The following MIIP variants were observed in gnomAD, a reference collection of about 807,000 sequenced individuals.
The protein encoded by MIIP is migration and invasion-inhibitory protein.
Under a neutral mutation model 44.8 loss-of-function variants are expected in MIIP, and 44 were observed. The observed-to-expected ratio is 0.98, with a 90% CI of 0.77 to 1.26. The LOEUF (loss-of-function observed/expected upper bound fraction) is 1.26, where lower values mean the gene tolerates loss of function less well. Ranked by LOEUF, MIIP falls within the 50% of genes most tolerant of loss-of-function variation. The probability of loss-of-function intolerance (pLI) is 0.00; values close to 1 mark genes in which losing one functional copy is unlikely to be tolerated. For missense variants in MIIP, 496 were observed against 511.7 expected (o/e 0.97, Z 0.30); for synonymous variants, 225 against 218.3 (o/e 1.03, Z -0.27).
At chr1:12,025,717 T>C (rs1185914804) in intron 4 of MIIP, among the ~76,000 whole-genome samples, 3 of 152,162 alleles carry the variant, frequency 2.0e-5, no homozygotes, top group Non-Finnish European at 4.4e-5. Flanking sequence ...CCTCCTTTTT[T>C]ATTTTTATTT....
At position 12,030,020 on chromosome 1, in the gene MIIP, C is replaced by A. The variant is rs1640199793; in HGVS notation, c.846-8C>A. 6.2e-7 allele frequency: 1 copy of A among 1,613,108 alleles called. No homozygotes were observed. The highest frequency in any genetic ancestry group is 1.3e-5 in the African/African-American group (1 of 74,922). On this transcript the variant is annotated splice_region_variant and splice_polypyrimidine_tract_variant and intron_variant, in intron 7 of 9. Transcript: ENST00000235332. ...TCCTCAGGGGTCCCCCACTGCCCCC[C>A]TGCGCAGGGTGAGCATCCCGCTGTC...
Position 12,021,723 on chromosome 1 carries a change from C to G in MIIP, c.-4C>G. 6.2e-7 allele frequency: 1 copy of G among 1,612,284 alleles called. No homozygotes were observed. Among genetic ancestry groups the G allele is most frequent in the Non-Finnish European group, 8.5e-7 (1 of 1,179,762 alleles). ...CAAGTGACACCTGCTGAGAGAGGCC[C>G]AGGATGGTGGAGGCTGAGGAACTGG... On this transcript the variant is annotated 5_prime_UTR_variant, in exon 2 of 10. Coordinates refer to ENST00000235332, the MANE Select transcript of MIIP (RefSeq NM_021933.4).
chr1:12,029,689 C>T (rs1294823786), intron 6 of MIIP, 76 bp from the exon 7 acceptor site: 82 of 1,548,638 alleles, frequency 5.3e-5, no homozygotes, highest in Admixed American at 1.5e-4. Context: ...GGTTGGGGGC[C>T]GCTGAGGGCA....
intron 8 of MIIP, 108 bp from the exon 9 acceptor site, chr1:12,031,158 G>C (rs1640231905): frequency 3.0e-6 from 4 of 1,354,652 alleles, no homozygotes; most frequent in East Asian, 2.5e-5. Context: ...CTGCCTTGGT[G>C]GGGGCCTCCT....
At chr1:12,029,342 C>A in intron 6 of MIIP, 61 bp downstream of exon 6, 1 of 1,531,306 alleles carries the variant, frequency 6.5e-7, no homozygotes, top group South Asian at 1.2e-5. Flanking sequence ...CCTGGCCTCC[C>A]CTGCCCCAGA....
intron 6 of MIIP, 144 bp from the exon 7 acceptor site, chr1:12,029,621 G>GA: frequency 8.3e-7 from 1 of 1,201,626 alleles, no homozygotes; most frequent in Non-Finnish European, 1.2e-6. Context: ...GTTCTGGGAG[G>GA]AAAGGGGTTA....
At chr1:12,021,554 C>G (rs1639975879) in intron 1 of MIIP, 91 bp from the exon 2 acceptor site, 1 of 603,016 alleles carries the variant, frequency 1.7e-6, no homozygotes, top group South Asian at 2.0e-5. Context: ...AATAACTTGC[C>G]TGAGGCAGTA....
Position 12,029,086 on chromosome 1 carries a change from A to G in MIIP, c.601A>G (p.Lys201Glu). Residue 201 changes from lysine (K) to glutamate (E), a missense_variant, in exon 5 of 10, where the codon AAG becomes GAG. Transcript: ENST00000235332. ...CAGCCAGCCTGAGGCCTTCTTCTCC[A>G]AGCTGCAGGAGTTTCGGGAAACCAA... ...ITSQPEAFFSKLQEFRETNKE... is the reference protein window; with the variant it reads ...ITSQPEAFFSELQEFRETNKE... The G allele has an allele frequency of 6.2e-7, 1 of 1,614,170 alleles. No homozygotes were observed. Among genetic ancestry groups the G allele is most frequent in the Non-Finnish European group, 8.5e-7 (1 of 1,180,016 alleles).
At chr1:12,019,957 G>A (rs908448617) in intron 1 of MIIP, among the ~76,000 whole-genome samples, 6 of 152,174 alleles carry the variant, frequency 3.9e-5, no homozygotes, top group Non-Finnish European at 8.8e-5. Context: ...GCATCTCCGT[G>A]CCCCCCGGCC....
At chr1:12,028,642 TGGC>T in intron 4 of MIIP, 1 of 179,772 alleles carries the variant, frequency 5.6e-6, no homozygotes, top group Admixed American at 5.5e-5. Context: ...TCTTGCTTTC[TGGC>T]AGGTATCAGC....
chr1:12,028,932 T>C (rs974090633), intron 4 of MIIP, 101 bp from the exon 5 acceptor site: 1 of 923,390 alleles, frequency 1.1e-6, no homozygotes, highest in African/African-American at 1.6e-5. Flanking sequence ...GCAGGTGGCC[T>C]GGGGTGCCAG....
At chr1:12,028,846 C>G in intron 4 of MIIP, 187 bp from the exon 5 acceptor site, 1 of 598,160 alleles carries the variant, frequency 1.7e-6, no homozygotes, top group Non-Finnish European at 3.0e-6. Flanking sequence ...TCAGGGTAGA[C>G]AGACACTGAA....
chr1:12,028,934 G>A, intron 4 of MIIP, 99 bp from the exon 5 acceptor site: 1 of 938,628 alleles, frequency 1.1e-6, no homozygotes, highest in Non-Finnish European at 1.7e-6. Context: ...AGGTGGCCTG[G>A]GGTGCCAGGG....
In MIIP at chr1:12,021,687, C is replaced by A. The variant is rs370129166; in HGVS notation, c.-40C>A. 10 of 1,569,140 alleles carry A rather than the reference C, an allele frequency of 6.4e-6. No individual in the cohort carries two copies. Among genetic ancestry groups the A allele is most frequent in the Middle Eastern group, 2.0e-4 (1 of 4,884 alleles). ...GGAACCCAGCCCTGAGGACATCCTG[C>A]GGCCCAGGGGCAAGTGACACCTGCT... On this transcript the variant is annotated 5_prime_UTR_variant, in exon 2 of 10. Coordinates refer to ENST00000235332, the MANE Select transcript of MIIP (RefSeq NM_021933.4).
At chr1:12,019,958 C>T (rs775016004) in intron 1 of MIIP, among the ~76,000 whole-genome samples, 2 of 152,228 alleles carry the variant, frequency 1.3e-5, no homozygotes, top group South Asian at 2.1e-4. Flanking sequence ...CATCTCCGTG[C>T]CCCCCGGCCC....
chr1:12,030,511 G>A (rs1432431905), intron 8 of MIIP, among the ~76,000 whole-genome samples: 1 of 151,632 alleles, frequency 6.6e-6, no homozygotes, highest in Non-Finnish European at 1.5e-5. Context: ...GCGCCTTGGT[G>A]GAGGAGCTGG....
intron 4 of MIIP, chr1:12,023,863 A>T (rs1270074213): frequency 6.6e-6 from 1 of 152,014 alleles, no homozygotes; most frequent in African/African-American, 2.4e-5. Flanking sequence ...GTGTGGTGGC[A>T]CGGGCTTATA....
intron 4 of MIIP, among the ~76,000 whole-genome samples, chr1:12,027,339 G>C (rs1640124599): frequency 6.6e-6 from 1 of 152,132 alleles, no homozygotes; most frequent in Non-Finnish European, 1.5e-5. Context: ...TCGGGCTTCA[G>C]CTCCCAGCAT....
intron 4 of MIIP, among the ~76,000 whole-genome samples, chr1:12,025,996 G>C (rs113995940): frequency 1.3e-5 from 2 of 151,814 alleles, no homozygotes; most frequent in African/African-American, 4.8e-5. Context: ...GTGGCCACAG[G>C]CATGGCAGGA....
Sources: gnomAD v4.1 joint callset for allele counts (sites outside exome capture counted in the v4.1 genomes callset) on GRCh38, gnomAD v4.1.1 for gene constraint, MANE v1.5 for transcripts, NCBI Gene and HGNC (gene_info 2026-07-23, HGNC 2026-07-21) for gene names.